TRIM24: variants seen among roughly 807,000 people sequenced by gnomAD.
TRIM24 encodes the protein tripartite motif containing 24.
Under a neutral mutation model 123.9 loss-of-function variants are expected in TRIM24, and 29 were observed. The observed-to-expected ratio is 0.23, with a 90% CI of 0.17 to 0.32. The LOEUF (loss-of-function observed/expected upper bound fraction) is 0.32, where lower values mean the gene tolerates loss of function less well. Ranked by LOEUF, TRIM24 falls within the 10% of genes least tolerant of loss-of-function variation. The pLI, the probability that TRIM24 is intolerant of heterozygous loss-of-function variation, is 1.00. For synonymous variants in TRIM24, 456 were observed against 461.1 expected, an observed-to-expected ratio of 0.99 and a Z score of 0.14; for missense variants, 932 against 1,295.3, an observed-to-expected ratio of 0.72 and a Z score of 4.31.
intron 1 of TRIM24, among the ~76,000 whole-genome samples, chr7:138,477,145 T>C (rs1365362177): frequency 1.3e-5 from 2 of 152,060 alleles, no homozygotes; most frequent in African/African-American, 4.8e-5. Context: ...AGAGAAAATA[T>C]GTGCTTATAT....
At chr7:138,532,982 A>C (rs554241302) in intron 6 of TRIM24, among the ~76,000 whole-genome samples, 1 of 152,152 alleles carries the variant, frequency 6.6e-6, no homozygotes, top group African/African-American at 2.4e-5. Context: ...GCAATTGTGA[A>C]TGGGAGTTCA....
intron 2 of TRIM24, among the ~76,000 whole-genome samples, chr7:138,512,634 G>A (rs1281457804): frequency 6.6e-6 from 1 of 151,824 alleles, no homozygotes; most frequent in Non-Finnish European, 1.5e-5. Context: ...AGCCATGGCT[G>A]GAACTGGAGA....
chr7:138,461,709 A>G (rs1164725493), intron 1 of TRIM24, among the ~76,000 whole-genome samples: 1 of 152,218 alleles, frequency 6.6e-6, no homozygotes, highest in Non-Finnish European at 1.5e-5. Context: ...TGAAACATTT[A>G]AAGTAAGTTT....
At chr7:138,583,487 G>A (rs1251871113) in intron 17 of TRIM24, among the ~76,000 whole-genome samples, 1 of 152,154 alleles carries the variant, frequency 6.6e-6, no homozygotes, top group Admixed American at 6.5e-5. Context: ...GGCTATGTTA[G>A]CGCATGCCTG....
chr7:138,573,864 C>T (rs565948547), intron 12 of TRIM24, among the ~76,000 whole-genome samples: 27 of 152,164 alleles, frequency 1.8e-4, no homozygotes, highest in Non-Finnish European at 1.6e-4. Flanking sequence ...TGCAGTGGTG[C>T]GATCATAGCT....
chr7:138,504,224 A>G, intron 1 of TRIM24, 66 bp from the exon 2 acceptor site: 1 of 963,862 alleles, frequency 1.0e-6, no homozygotes, highest in South Asian at 2.5e-5. Context: ...TCACAGTTTG[A>G]GATGTATTGG....
intron 6 of TRIM24, among the ~76,000 whole-genome samples, chr7:138,530,461 A>G (rs1796706398): frequency 6.6e-6 from 1 of 152,036 alleles, no homozygotes; most frequent in Admixed American, 6.6e-5. Flanking sequence ...GTTCATTCTT[A>G]AAATTAAAAA....
chr7:138,558,195 T>A (rs571740418), intron 9 of TRIM24, among the ~76,000 whole-genome samples: 1 of 152,074 alleles, frequency 6.6e-6, no homozygotes, highest in African/African-American at 2.4e-5. Context: ...CCAAGAGTGA[T>A]GTAAAGAGGG....
rs1796673682 is a variant in TRIM24 at position 138,529,104 on chromosome 7, T to G, written c.882-12T>G. ...AAAACTGCCTTATGTTTTTCCCCGTTTTAATTTTCAGAATTATTGAAGTAA... is the reference window on the plus strand; with the variant it reads ...AAAACTGCCTTATGTTTTTCCCCGTGTTAATTTTCAGAATTATTGAAGTAA... On this transcript the variant is annotated splice_polypyrimidine_tract_variant and intron_variant, in intron 5 of 18. Coordinates refer to ENST00000343526, the MANE Select transcript of TRIM24 (RefSeq NM_015905.3). 1.3e-6 allele frequency: 2 copies of G among 1,493,128 alleles called. No homozygotes were observed. 92.5% of individuals were successfully genotyped at this position (1,493,128 alleles called of 1,614,324 possible). A position where few individuals can be genotyped will look rare whatever the true frequency, so the allele number is the denominator to read the frequency against.
At chr7:138,485,202 T>TA (rs761169985) in intron 1 of TRIM24, among the ~76,000 whole-genome samples, 6 of 152,266 alleles carry the variant, frequency 3.9e-5, no homozygotes, top group Non-Finnish European at 8.8e-5. Context: ...ATGTTTTGAG[T>TA]ACTTTTTTTT....
At chr7:138,506,145 GCTA>G (rs2116532742) in intron 2 of TRIM24, among the ~76,000 whole-genome samples, 1 of 152,290 alleles carries the variant, frequency 6.6e-6, no homozygotes, top group East Asian at 1.9e-4. Context: ...AATGAACATA[GCTA>G]CTACTGACTA....
In TRIM24 at chr7:138,584,861, T is replaced by A; in HGVS notation, c.3063T>A (p.Asp1021Glu). Residue 1021 changes from aspartate (D) to glutamate (E), a missense_variant, in exon 19 of 19, where the codon GAT becomes GAA. Physicochemically the swap from Asp to Glu is conservative, Grantham distance 45. Coordinates refer to ENST00000343526, the MANE Select transcript of TRIM24 (RefSeq NM_015905.3). ...PKPEFRNESE[D>E]NKFSDDSDDD... ...CAGAATTCAGGAATGAATCAGAAGA[T>A]AATAAATTTAGTGATGATTCAGATG... 6.2e-7 allele frequency: 1 copy of A among 1,613,814 alleles called. No homozygotes were observed. Among genetic ancestry groups the A allele is most frequent in the Non-Finnish European group, 8.5e-7 (1 of 1,179,808 alleles).
chr7:138,512,684 G>A (rs1354454154), intron 2 of TRIM24, among the ~76,000 whole-genome samples: 1 of 152,048 alleles, frequency 6.6e-6, no homozygotes. Context: ...GCTTCTCAGG[G>A]GAGTGAGCCC....
chr7:138,506,674 TA>T (rs1222741494), intron 2 of TRIM24, among the ~76,000 whole-genome samples: 2 of 152,248 alleles, frequency 1.3e-5, no homozygotes, highest in Non-Finnish European at 2.9e-5. Flanking sequence ...CGTTTATGTT[TA>T]TTTAGTCTGC....
At chr7:138,490,783 CT>C in intron 1 of TRIM24, 2 of 496,658 alleles carry the variant, frequency 4.0e-6, no homozygotes, top group Non-Finnish European at 7.9e-6. Flanking sequence ...TTTTCTATGT[CT>C]TTTCCAGTGC....
chr7:138,481,886 T>C (rs1795534389), intron 1 of TRIM24, among the ~76,000 whole-genome samples: 1 of 152,206 alleles, frequency 6.6e-6, no homozygotes. Context: ...GGTTTTCGTT[T>C]CATCTGCAGT....
intron 3 of TRIM24, among the ~76,000 whole-genome samples, chr7:138,518,286 C>A (rs746804873): frequency 1.2e-4 from 19 of 152,052 alleles, no homozygotes; most frequent in Non-Finnish European, 2.4e-4. Context: ...TGTAACACTG[C>A]ACTATACTAT....
At chr7:138,536,083 T>C (rs929290892) in intron 6 of TRIM24, among the ~76,000 whole-genome samples, 14 of 152,220 alleles carry the variant, frequency 9.2e-5, no homozygotes, top group African/African-American at 3.4e-4. Context: ...ATTTTAGGAC[T>C]TCTCTACACT....
At chr7:138,521,474 C>A (rs1387686440) in intron 4 of TRIM24, among the ~76,000 whole-genome samples, 1 of 151,832 alleles carries the variant, frequency 6.6e-6, no homozygotes, top group Non-Finnish European at 1.5e-5. Context: ...ATATAATTAC[C>A]AAGGTGTGGA....
Sources: allele counts gnomAD v4.1 joint callset (sites outside exome capture counted in the v4.1 genomes callset), GRCh38; gene constraint gnomAD v4.1.1; transcripts MANE v1.5; gene names NCBI Gene and HGNC (gene_info 2026-07-23, HGNC 2026-07-21).